The following GFUS variants were observed in gnomAD, a reference collection of about 807,000 sequenced individuals.
The protein encoded by GFUS is 3-5 epimerase/4-reductase.
A neutral mutation model predicts 41.5 loss-of-function variants in GFUS; 42 were observed. That is an observed-to-expected ratio of 1.01 (90% CI 0.79 to 1.31). GFUS has a LOEUF of 1.31. Among genes scored for constraint, GFUS ranks in the 50% most tolerant of loss-of-function variants. The pLI is 0.00. For synonymous variants in GFUS, 188 were observed against 173.4 expected (o/e 1.08, Z -0.66); for missense variants, 437 against 428.7 (o/e 1.02, Z -0.17).
At chr8:143,617,714 C>T (rs571795395), upstream of GFUS, 2 of 152,188 alleles carry the variant, frequency 1.3e-5, no homozygotes, top group South Asian at 2.1e-4. Context: ...CGGACGAAGT[C>T]CCGGGCCGCA....
chr8:143,613,098 G>A, intron 10 of GFUS, 98 bp downstream of exon 10: 1 of 1,534,878 alleles, frequency 6.5e-7, no homozygotes, highest in Non-Finnish European at 9.0e-7. Context: ...GGCAGTACAG[G>A]CTCTGAGGGG....
chr8:143,614,533 T>G, intron 5 of GFUS, 80 bp from the exon 6 acceptor site: 2 of 1,562,082 alleles, frequency 1.3e-6, no homozygotes, highest in Non-Finnish European at 1.7e-6. Flanking sequence ...TTACTGAGGC[T>G]GGCACGAAGA....
chr8:143,613,605 T>G lies in GFUS; in HGVS notation c.731-2A>C. On this transcript the variant is annotated splice_acceptor_variant, in intron 8 of 10. Transcript: ENST00000425753. LOFTEE classifies it high-confidence loss of function. ...TGGAGACCTCATCTTCCTCGCCCACTGTGGGGAGCCACCGGGTCAGGCCTC... is the reference window on the plus strand; with the variant it reads ...TGGAGACCTCATCTTCCTCGCCCACGGTGGGGAGCCACCGGGTCAGGCCTC... The G allele has an allele frequency of 6.2e-7, 1 of 1,612,004 alleles. No individual in the cohort carries two copies. The highest frequency in any genetic ancestry group is 8.5e-7 in the Non-Finnish European group (1 of 1,179,828).
chr8:143,613,906 T>C lies in GFUS; in HGVS notation c.664-89A>G, dbSNP rs1829647507. 10 of 1,402,820 alleles carry C rather than the reference T, an allele frequency of 7.1e-6. No individual in the cohort carries two copies. The South Asian group carries it at 1.1e-4, about 16-fold the overall frequency. The allele number at this position is 1,402,820 out of a possible 1,614,324, so 86.9% of individuals were successfully genotyped here. A position where few individuals can be genotyped will look rare whatever the true frequency, so the allele number is the denominator to read the frequency against. ...GCTGGGGAGTCCATACTGCTGTCCT[T>C]GTTCAGTGGGGGCTCAGCCTGGGGA... On this transcript the variant is annotated intron_variant, in intron 7 of 10. Coordinates refer to ENST00000425753, the MANE Select transcript of GFUS (RefSeq NM_003313.4).
rs766970024 is a variant in GFUS, at chr8:143,614,224, G to A, written c.603C>T (p.Ser201=). ...LIHKVHLAKS[S]GSALTVWGTG... ...TACCCCACACCGTCAGGGCCGAGCC[G>A]CTGCCTGCAGATTTGGGGAAGGAGC... is the stretch of plus-strand genomic sequence containing the variant. The change falls in exon 7 of 11, where the codon AGC becomes AGT. Residue 201 remains serine, a synonymous_variant. Transcript: ENST00000425753. The A allele has an allele frequency of 1.6e-5, 26 of 1,613,572 alleles. No homozygotes were observed. The highest frequency in any genetic ancestry group is 3.3e-4 in the Middle Eastern group (2 of 6,078).
intron 3 of GFUS, among the ~76,000 whole-genome samples, chr8:143,615,397 G>A (rs1426083175): frequency 6.6e-6 from 1 of 152,172 alleles, no homozygotes; most frequent in Non-Finnish European, 1.5e-5. Flanking sequence ...AACTAGACAC[G>A]GCATGGCTGG....
chr8:143,614,090 A>ACAGCCCAGCAGGGGC, intron 7 of GFUS, 74 bp downstream of exon 7: 3 of 1,586,710 alleles, frequency 1.9e-6, no homozygotes, highest in Non-Finnish European at 2.6e-6. Context: ...CACCTCCCCG[A>ACAGCCCAGCAGGGGC]CAGCCCAGCA....
In GFUS at chr8:143,612,873, C is replaced by T. The variant is rs780484196; in HGVS notation, c.*37G>A. The T allele has an allele frequency of 5.0e-6, 8 of 1,586,696 alleles. No homozygotes were observed. The highest frequency in any genetic ancestry group is 5.1e-6 in the Non-Finnish European group (6 of 1,168,646). ...GGTGGTGGCCGCTGGGCTCTGCCAGCCGATGGTCCGCTGGCACCTGATCCT... is the reference window on the plus strand; with the variant it reads ...GGTGGTGGCCGCTGGGCTCTGCCAGTCGATGGTCCGCTGGCACCTGATCCT... On this transcript the variant is annotated 3_prime_UTR_variant, in exon 11 of 11. Transcript: ENST00000425753.
rs369786286 is a variant in GFUS at position 143,616,575 on chromosome 8, G to A, written c.138C>T (p.Ala46=). 130 of 1,613,682 alleles carry A rather than the reference G, an allele frequency of 8.1e-5. No individual in the cohort carries two copies. The highest frequency in any genetic ancestry group is 1.0e-4 in the Non-Finnish European group (118 of 1,179,972). Residue 46 remains alanine (A), a synonymous_variant, in exon 2 of 11, where the codon GCC becomes GCT. Transcript: ENST00000425753. Reference sequence around the variant, plus strand: ...GGGATGGGCTCACTCACGTGAGATCGGCGTCTTTAGAGGAGACAAACACCC... The same window carrying A: ...GGGATGGGCTCACTCACGTGAGATCAGCGTCTTTAGAGGAGACAAACACCC... ...EDWVFVSSKD[A]DLTDTAQTRA...
At chr8:143,616,421 A>G in intron 2 of GFUS, 146 bp downstream of exon 2, 4 of 1,334,856 alleles carry the variant, frequency 3.0e-6, no homozygotes, top group Non-Finnish European at 4.3e-6. Context: ...AGCCAAGCAC[A>G]CCCAGGCCAG....
chr8:143,617,562 C>A (rs2131419868), upstream of GFUS: 1 of 152,260 alleles, frequency 6.6e-6, no homozygotes, highest in South Asian at 2.1e-4. Context: ...GGGGCGGGGC[C>A]GGGAGGCTGG....
At chr8:143,616,480 C>G in intron 2 of GFUS, 87 bp downstream of exon 2, 5 of 1,593,654 alleles carry the variant, frequency 3.1e-6, no homozygotes, top group Non-Finnish European at 4.3e-6. Context: ...CTGTTAGACT[C>G]AGCAACATGC....
At chr8:143,615,873 T>C (rs1829712604) in intron 3 of GFUS, 3 of 462,750 alleles carry the variant, frequency 6.5e-6, no homozygotes, top group African/African-American at 4.0e-5. Context: ...CTCCACAGCT[T>C]TGCCTACTGG....
intron 1 of GFUS, 59 bp downstream of exon 1, chr8:143,617,415 C>T (rs1391146345): frequency 1.3e-5 from 2 of 152,606 alleles, no homozygotes; most frequent in African/African-American, 4.8e-5. Context: ...CCACAGCGCT[C>T]CCTGACTCTC....
Position 143,614,873 on chromosome 8 carries a change from A to G in GFUS, c.304T>C (p.Phe102Leu), listed in dbSNP as rs1413823662. The G allele has an allele frequency of 6.2e-7, 1 of 1,613,386 alleles. No individual in the cohort carries two copies. The highest frequency in any genetic ancestry group is 8.5e-7 in the Non-Finnish European group (1 of 1,179,872). The change falls in exon 4 of 11, where the codon TTT (phenylalanine) becomes CTT (leucine). Residue 102 changes from phenylalanine to leucine, a missense_variant. Physicochemically the swap from Phe to Leu is conservative, Grantham distance 22 (BLOSUM62 0). Transcript: ENST00000425753. ...HMNDNVLHSA[F>L]EVGARKVVSC... ...ACCACCTTGCGGGCGCCCACCTCAA[A>G]GGCCGAGTGCAGGACGTTGTCGTTC...
upstream of GFUS, chr8:143,617,841 G>C (rs747182713): frequency 6.6e-6 from 1 of 152,262 alleles, no homozygotes; most frequent in East Asian, 1.9e-4. Context: ...AAGGAGCCTC[G>C]CCGGCGCTGG....
Position 143,616,148 on chromosome 8 carries a change from C to A in GFUS, c.219G>T (p.Val73=), listed in dbSNP as rs146763559. The A allele has an allele frequency of 2.5e-6, 4 of 1,612,496 alleles. No homozygotes were observed. In the Admixed American group the frequency reaches 5.0e-5, roughly 20 times the overall value. ...ATTTGATATTCCGGAACAGGCCCCC[C>A]ACCATTGCAGCAAGATGGATGACGT... ...PTHVIHLAAM[V]GGLFRNIKYN... The change falls in exon 3 of 11, where the codon GTG becomes GTT. Residue 73 remains valine, a synonymous_variant. Transcript: ENST00000425753.
At position 143,614,106 on chromosome 8, in the gene GFUS, C is replaced by T. The variant is rs1317490830; in HGVS notation, c.663+58G>A. The T allele has an allele frequency of 3.1e-6, 5 of 1,603,330 alleles. No individual in the cohort carries two copies. The East Asian group carries it at 1.1e-4, about 36-fold the overall frequency. ...ACCTCCCCGACAGCCCAGCAGGGGCCAGCCCAGGGCTCAATAGGGCAGGTT... is the reference window on the plus strand; with the variant it reads ...ACCTCCCCGACAGCCCAGCAGGGGCTAGCCCAGGGCTCAATAGGGCAGGTT... On this transcript the variant is annotated intron_variant, in intron 7 of 10. Transcript: ENST00000425753.
In GFUS at chr8:143,614,691, T is replaced by C; in HGVS notation, c.397A>G (p.Asn133Asp). ...AAATTGCTGTTGTGGGGAGGCCCAT[T>C]GTGGATCTGCGGGCGTGGGAGAGGC... ...TYPIDETMIH[N>D]GPPHNSNFGY... is the part of the protein sequence containing the mutation. The change falls in exon 5 of 11, where the codon AAT (asparagine) becomes GAT (aspartate). Residue 133 changes from asparagine (N) to aspartate (D), a missense_variant. Transcript: ENST00000425753. 1.2e-6 allele frequency: 2 copies of C among 1,612,802 alleles called. No individual in the cohort carries two copies. The highest frequency in any genetic ancestry group is 1.1e-5 in the South Asian group (1 of 91,054).
Sources: gnomAD v4.1 joint callset for allele counts (sites outside exome capture counted in the v4.1 genomes callset) on GRCh38, gnomAD v4.1.1 for gene constraint, MANE v1.5 for transcripts, NCBI Gene and HGNC (gene_info 2026-07-23, HGNC 2026-07-21) for gene names.